Variants in CFAP97 observed in about 807,000 individuals in gnomAD.
CFAP97 encodes cilia- and flagella-associated protein 97.
Under a neutral mutation model 43.1 loss-of-function variants are expected in CFAP97, and 36 were observed. The observed-to-expected ratio is 0.84, with a 90% CI of 0.64 to 1.10. The LOEUF is 1.10. CFAP97 is among the 50% of genes least tolerant of loss of function. CFAP97 has a pLI of 0.00. For missense variants in CFAP97, 657 were observed against 620.3 expected, an observed-to-expected ratio of 1.06 and a Z score of -0.63; for synonymous variants, 228 against 225.7, an observed-to-expected ratio of 1.01 and a Z score of -0.09.
intron 1 of CFAP97, 173 bp downstream of exon 1, chr4:185,203,725 G>C (rs1737036163): frequency 1.3e-5 from 2 of 152,000 alleles, no homozygotes; most frequent in Non-Finnish European, 2.9e-5. Context: ...CCGCCGCCGC[G>C]GGCGCCCCTG....
intron 2 of CFAP97, among the ~76,000 whole-genome samples, chr4:185,188,918 GT>G (rs1175459677): frequency 5.3e-5 from 8 of 151,362 alleles, no homozygotes; most frequent in African/African-American, 1.7e-4. Context: ...AAATCAATAG[GT>G]ACAATCAGAG....
Position 185,177,722 on chromosome 4 carries a change from C to T in CFAP97, c.1055-1671G>A, listed in dbSNP as rs554838251. ...TGGTGGCACACACCTGTAATTCCAG[C>T]TACTCAGGAGGCTGAGGCAGGAGAA... On this transcript the variant is annotated intron_variant, in intron 2 of 4. Transcript: ENST00000458385. Among the ~76,000 whole-genome samples, 22 of 152,132 alleles carry T rather than the reference C, an allele frequency of 1.4e-4. 1 individual carries two copies. The Middle Eastern group carries it at 0.017, about 118-fold the overall frequency.
chr4:185,186,204 A>C (rs1328521407), intron 2 of CFAP97, among the ~76,000 whole-genome samples: 1 of 152,102 alleles, frequency 6.6e-6, no homozygotes, highest in Non-Finnish European at 1.5e-5. Context: ...AGGCCGAAGC[A>C]GGTGGATCAC....
chr4:185,198,600 A>G (rs192095437), intron 1 of CFAP97, among the ~76,000 whole-genome samples: 1 of 151,782 alleles, frequency 6.6e-6, no homozygotes, highest in East Asian at 2.0e-4. Flanking sequence ...GACCAGCCTG[A>G]CCAAAATGGT....
chr4:185,184,871 C>T (rs1349809289), intron 2 of CFAP97, among the ~76,000 whole-genome samples: 1 of 152,116 alleles, frequency 6.6e-6, no homozygotes, highest in Non-Finnish European at 1.5e-5. Context: ...TGAAACAATA[C>T]CTTCCTTTTG....
intron 1 of CFAP97, among the ~76,000 whole-genome samples, chr4:185,191,907 G>T (rs1736275208): frequency 6.6e-6 from 1 of 151,906 alleles, no homozygotes; most frequent in South Asian, 2.1e-4. Flanking sequence ...AGTAAGAAAG[G>T]ATAGAGTTAA....
In CFAP97 at chr4:185,162,662, C is replaced by CA; in HGVS notation, c.*135dup. On this transcript the variant is annotated 3_prime_UTR_variant, in exon 5 of 5. Coordinates refer to ENST00000458385, the MANE Select transcript of CFAP97 (RefSeq NM_020827.3). ...TTGACAATAATTTTGCACTGAATAA[C>CA]AATACATTACAACTCACTGTTGTAC... 1.1e-6 allele frequency: 1 copy of CA among 912,484 alleles called. No homozygotes were observed. Among genetic ancestry groups the CA allele is most frequent in the South Asian group, 1.7e-5 (1 of 57,410 alleles). 56.5% of individuals were successfully genotyped at this position (912,484 alleles called of 1,614,324 possible).
intron 2 of CFAP97, among the ~76,000 whole-genome samples, chr4:185,185,993 C>T (rs1735993334): frequency 1.3e-5 from 2 of 152,140 alleles, no homozygotes; most frequent in South Asian, 4.1e-4. Context: ...CAATATGTCA[C>T]ATTCCAAAAC....
At chr4:185,184,356 G>A (rs1735922777) in intron 2 of CFAP97, among the ~76,000 whole-genome samples, 1 of 152,180 alleles carries the variant, frequency 6.6e-6, no homozygotes, top group South Asian at 2.1e-4. Context: ...GCTTGGCCCA[G>A]GATAATCCCA....
chr4:185,170,005 G>A, intron 3 of CFAP97: 4 of 1,110,472 alleles, frequency 3.6e-6, no homozygotes, highest in Non-Finnish European at 4.4e-6. Flanking sequence ...TCATTTTTGT[G>A]ACAATTTATC....
chr4:185,200,323 C>T (rs1736763991), intron 1 of CFAP97, among the ~76,000 whole-genome samples: 1 of 152,136 alleles, frequency 6.6e-6, no homozygotes, highest in Non-Finnish European at 1.5e-5. Flanking sequence ...TAGTGAGATC[C>T]CGTCTCTTAA....
chr4:185,175,783 T>G lies in CFAP97; in HGVS notation c.1320+3A>C. 1 of 1,609,742 alleles carries G rather than the reference T, an allele frequency of 6.2e-7. No homozygotes were observed. On this transcript the variant is annotated splice_donor_region_variant and intron_variant, in intron 3 of 4. Coordinates refer to ENST00000458385, the MANE Select transcript of CFAP97 (RefSeq NM_020827.3). ...TTGATGACTAATTATTTCAGTTACTTACCAAGTTTTCTCTCTCAATCCTTT... is the reference window on the plus strand; with the variant it reads ...TTGATGACTAATTATTTCAGTTACTGACCAAGTTTTCTCTCTCAATCCTTT...
chr4:185,193,723 A>T (rs189603390), intron 1 of CFAP97, among the ~76,000 whole-genome samples: 1 of 152,156 alleles, frequency 6.6e-6, no homozygotes, highest in Non-Finnish European at 1.5e-5. Flanking sequence ...TCTATTTTAC[A>T]TCAAATCAGG....
At chr4:185,165,111 TAAG>T (rs1296058226) in intron 3 of CFAP97, among the ~76,000 whole-genome samples, 7 of 152,176 alleles carry the variant, frequency 4.6e-5, no homozygotes, top group African/African-American at 1.2e-4. Flanking sequence ...CTTTTGCTGT[TAAG>T]AAGTCTGAAA....
chr4:185,187,519 C>G (rs558294439), intron 2 of CFAP97, among the ~76,000 whole-genome samples: 1 of 151,722 alleles, frequency 6.6e-6, no homozygotes, highest in African/African-American at 2.4e-5. Context: ...TAGAAAAAGG[C>G]TCTCCCTGGC....
In CFAP97 at chr4:185,193,030, G is replaced by A. The variant is rs115185717; in HGVS notation, c.-16-1818C>T. On this transcript the variant is annotated intron_variant, in intron 1 of 4. Coordinates refer to ENST00000458385, the MANE Select transcript of CFAP97 (RefSeq NM_020827.3). Reference sequence around the variant, plus strand: ...GCTCAAATTACAGGCGTGAGCCACCGCGCCCCACCCAGAATTGACCTTCTA... The same window carrying A: ...GCTCAAATTACAGGCGTGAGCCACCACGCCCCACCCAGAATTGACCTTCTA... Among the ~76,000 whole-genome samples, 1,398 of 152,026 alleles carry A rather than the reference G, an allele frequency of 9.2e-3. 25 individuals are homozygous for A. The highest frequency in any genetic ancestry group is 0.032 in the African/African-American group (1,333 of 41,458).
At position 185,190,417 on chromosome 4, in the gene CFAP97, A is replaced by G. The variant is rs1408597224; in HGVS notation, c.780T>C (p.Thr260=). The change falls in exon 2 of 5, where the codon ACT becomes ACC. Residue 260 remains threonine (T), a synonymous_variant. Transcript: ENST00000458385. ...AAGACTGAAGAGGGCTAATGTCTGG[A>G]GTTGATAAGGGACTTACGTCAGTCA... ...DTVTDVSPLS[T]PDISPLQSFE... 1 of 1,613,434 alleles carries G rather than the reference A, an allele frequency of 6.2e-7. No individual in the cohort carries two copies. Among genetic ancestry groups the G allele is most frequent in the Admixed American group, 1.7e-5 (1 of 59,916 alleles).
intron 1 of CFAP97, among the ~76,000 whole-genome samples, chr4:185,194,215 G>A (rs545095444): frequency 1.6e-4 from 24 of 152,268 alleles, no homozygotes; most frequent in African/African-American, 5.3e-4. Flanking sequence ...TAGGCCAGGC[G>A]CAGTGGCTCA....
rs1734909338 is a variant in CFAP97, at chr4:185,162,582, C to A, written c.*216G>T. On this transcript the variant is annotated 3_prime_UTR_variant, in exon 5 of 5. Coordinates refer to ENST00000458385, the MANE Select transcript of CFAP97 (RefSeq NM_020827.3). ...TACCACTATTTCTCTATTAAGAACA[C>A]ATACATCTCATATAAATACATCCTC... is the stretch of plus-strand genomic sequence containing the variant. The A allele has an allele frequency of 1.9e-6, 1 of 539,424 alleles. No individual in the cohort carries two copies. The allele number at this position is 539,424 out of a possible 1,614,324, so 33.4% of individuals were successfully genotyped here.
Sources: gnomAD v4.1 joint callset for allele counts (sites outside exome capture counted in the v4.1 genomes callset) on GRCh38, gnomAD v4.1.1 for gene constraint, MANE v1.5 for transcripts, NCBI Gene and HGNC (gene_info 2026-07-23, HGNC 2026-07-21) for gene names.